Variants in CPNE2 observed in about 807,000 individuals in gnomAD.
The protein encoded by CPNE2 is copine-2.
A neutral mutation model predicts 69.7 loss-of-function variants in CPNE2; 42 were observed. The observed-to-expected ratio is 0.60, with a 90% CI of 0.47 to 0.78. The LOEUF (loss-of-function observed/expected upper bound fraction) is 0.78, where lower values mean the gene tolerates loss of function less well. CPNE2 is among the 30% of genes least tolerant of loss of function. The pLI is 0.00. For missense variants in CPNE2, 587 were observed against 732.0 expected (o/e 0.80, Z 2.29); for synonymous variants, 294 against 289.8 (o/e 1.01, Z -0.15).
intron 9 of CPNE2, among the ~76,000 whole-genome samples, chr16:57,122,557 A>AT (rs1246931460): frequency 1.1e-4 from 16 of 152,078 alleles, no homozygotes; most frequent in African/African-American, 3.6e-4. Flanking sequence ...TGCCTTACTT[A>AT]TTTTTTTGAA....
In CPNE2 at chr16:57,119,566, C is replaced by G. The variant is rs11544920; in HGVS notation, c.597C>G (p.Ile199Met). The G allele has an allele frequency of 6.2e-7, 1 of 1,612,146 alleles. No individual in the cohort carries two copies. Among genetic ancestry groups the G allele is most frequent in the East Asian group, 2.2e-5 (1 of 44,864 alleles). The stretch of plus-strand genomic sequence containing the variant: ...CATCCCTCTCTGTCCCACAGGTGAT[C>G]AAGTACACACTGGACCCTGTGTGGA... ...KWMLVHRTEV[I>M]KYTLDPVWKP... Residue 199 changes from isoleucine to methionine, a missense_variant, in exon 7 of 16, where the codon ATC becomes ATG. Physicochemically the swap from Ile to Met is conservative, Grantham distance 10 (BLOSUM62 1). Coordinates refer to ENST00000290776, the MANE Select transcript of CPNE2 (RefSeq NM_152727.6).
chr16:57,131,570 G>A (rs1426560850), intron 12 of CPNE2, among the ~76,000 whole-genome samples: 5 of 152,240 alleles, frequency 3.3e-5, no homozygotes, highest in Non-Finnish European at 7.3e-5. Context: ...TTGAGCAAAA[G>A]CCTCCTTGTA....
intron 1 of CPNE2, among the ~76,000 whole-genome samples, chr16:57,110,306 C>T (rs2069672888): frequency 1.4e-5 from 2 of 147,984 alleles, no homozygotes; most frequent in Admixed American, 1.4e-4. Flanking sequence ...CTCACTGCAA[C>T]CTTGAACTAC....
chr16:57,093,149 C>T (rs1319015518), intron 1 of CPNE2, among the ~76,000 whole-genome samples: 1 of 152,070 alleles, frequency 6.6e-6, no homozygotes, highest in East Asian at 1.9e-4. Flanking sequence ...GCCGCAGCTG[C>T]TGAAGGCGTG....
At chr16:57,140,035 G>T (rs1302488895) in intron 14 of CPNE2, among the ~76,000 whole-genome samples, 1 of 152,142 alleles carries the variant, frequency 6.6e-6, no homozygotes, top group Admixed American at 6.5e-5. Flanking sequence ...AACAGGAAGC[G>T]CAGGGCGTGG....
chr16:57,139,419 G>A (rs1479537253), intron 14 of CPNE2, among the ~76,000 whole-genome samples: 1 of 152,180 alleles, frequency 6.6e-6, no homozygotes, highest in African/African-American at 2.4e-5. Flanking sequence ...CAGACTCTTG[G>A]AGCCAGAGGC....
chr16:57,121,563 A>C, intron 8 of CPNE2, 111 bp from the exon 9 acceptor site: 1 of 1,038,490 alleles, frequency 9.6e-7, no homozygotes, highest in South Asian at 1.5e-5. Context: ...TCCCTGGAGG[A>C]AGCATGCTGC....
intron 1 of CPNE2, among the ~76,000 whole-genome samples, chr16:57,097,620 C>T (rs751911497): frequency 3.9e-5 from 6 of 152,162 alleles, no homozygotes; most frequent in African/African-American, 7.2e-5. Context: ...GCCCAGGTTG[C>T]ATAGGGAATG....
At chr16:57,132,598 A>G (rs2069845481) in intron 12 of CPNE2, among the ~76,000 whole-genome samples, 1 of 152,182 alleles carries the variant, frequency 6.6e-6, no homozygotes, top group South Asian at 2.1e-4. Context: ...GGCAATAGGG[A>G]GTCCCAGGAC....
chr16:57,094,755 T>C (rs1233115602), intron 1 of CPNE2, among the ~76,000 whole-genome samples: 1 of 152,054 alleles, frequency 6.6e-6, no homozygotes, highest in East Asian at 1.9e-4. Context: ...GCCAGCTTGC[T>C]CCTCCCCCTC....
At chr16:57,126,748 A>G (rs2069804008) in intron 11 of CPNE2, among the ~76,000 whole-genome samples, 2 of 152,212 alleles carry the variant, frequency 1.3e-5, no homozygotes, top group Non-Finnish European at 2.9e-5. Context: ...AGGGGCAGCC[A>G]GGGATCTGTA....
intron 12 of CPNE2, among the ~76,000 whole-genome samples, chr16:57,128,834 C>T (rs1383655956): frequency 2.0e-5 from 3 of 152,148 alleles, no homozygotes; most frequent in Non-Finnish European, 4.4e-5. Context: ...TGTTTAGCTC[C>T]GTCTTATAAG....
intron 12 of CPNE2, among the ~76,000 whole-genome samples, chr16:57,132,109 G>T (rs1477323668): frequency 6.6e-6 from 1 of 152,188 alleles, no homozygotes. Flanking sequence ...CCCCAGGCCT[G>T]AGCAAACAGA....
At chr16:57,103,500 A>G (rs776472911) in intron 1 of CPNE2, among the ~76,000 whole-genome samples, 3 of 152,192 alleles carry the variant, frequency 2.0e-5, no homozygotes, top group Admixed American at 1.3e-4. Flanking sequence ...AATTTACGAC[A>G]GGACATCCCA....
At chr16:57,121,268 A>G (rs2069760115) in intron 8 of CPNE2, 77 bp downstream of exon 8, 1 of 1,283,238 alleles carries the variant, frequency 7.8e-7, no homozygotes, top group South Asian at 1.3e-5. Flanking sequence ...TGGGTCAGGC[A>G]GCCTGGGGCT....
At chr16:57,119,379 C>T in intron 6 of CPNE2, 101 bp downstream of exon 6, 3 of 1,288,360 alleles carry the variant, frequency 2.3e-6, no homozygotes, top group Middle Eastern at 3.7e-4. Context: ...GCTCAGTGTG[C>T]AGGAAAACCC....
chr16:57,123,778 G>A (rs372174732), intron 10 of CPNE2: 7 of 443,508 alleles, frequency 1.6e-5, no homozygotes, highest in African/African-American at 3.9e-5. Context: ...GGCCTTCAGC[G>A]ATCCCTGCCT....
At chr16:57,129,648 G>A (rs368325705) in intron 12 of CPNE2, among the ~76,000 whole-genome samples, 29 of 152,270 alleles carry the variant, frequency 1.9e-4, no homozygotes, top group Middle Eastern at 3.4e-3. Flanking sequence ...GCAAAACCCC[G>A]TCTCTACTAA....
At chr16:57,129,178 G>T in intron 12 of CPNE2, 1 of 152,844 alleles carries the variant, frequency 6.5e-6, no homozygotes. Flanking sequence ...CATTGGAGGT[G>T]AGCAGGGTGG....
Sources: allele counts gnomAD v4.1 joint callset (sites outside exome capture counted in the v4.1 genomes callset), GRCh38; gene constraint gnomAD v4.1.1; transcripts MANE v1.5; gene names NCBI Gene and HGNC (gene_info 2026-07-23, HGNC 2026-07-21).